Variants in MCM5 observed in about 807,000 individuals in gnomAD.
MCM5 encodes the protein DNA replication licensing factor MCM5.
MCM5 carries 46 observed loss-of-function variants against 79.9 expected under a neutral mutation model. The observed-to-expected ratio is 0.58, with a 90% confidence interval of 0.45 to 0.74. MCM5 has a LOEUF of 0.74. Ranked by LOEUF, MCM5 falls within the 30% of genes least tolerant of loss-of-function variation. The pLI, the probability that MCM5 is intolerant of heterozygous loss-of-function variation, is 0.00. For missense variants in MCM5, 883 were observed against 1,017.0 expected (o/e 0.87, Z 1.79); for synonymous variants, 404 against 390.5 (o/e 1.03, Z -0.41).
chr22:35,452,569 C>T, the MCM5 span, among the ~76,000 whole-genome samples: 10 of 152,148 alleles, frequency 6.6e-5, no homozygotes, highest in African/African-American at 2.2e-4. Context: ...CATGCGGAAA[C>T]GTCTGGCAGC....
At chr22:35,417,480 G>T (rs2145797498) in intron 12 of MCM5, among the ~76,000 whole-genome samples, 3 of 152,360 alleles carry the variant, frequency 2.0e-5, no homozygotes, top group East Asian at 3.9e-4. Context: ...CCAAGTCGGG[G>T]TGGACAAGCT....
rs1601764855 is a variant in MCM5 at position 35,423,559 on chromosome 22, G to C, written c.2103+218G>C. ...GGGGGTATTTTTTCTGTCCCACGAA[G>C]GGGAGGGGAGAGCAGAGGTGGTTGG... On this transcript the variant is annotated intron_variant, in intron 16 of 16. Coordinates refer to ENST00000216122, the MANE Select transcript of MCM5 (RefSeq NM_006739.4). 1.7e-5 allele frequency: 7 copies of C among 419,704 alleles called. No individual in the cohort carries two copies. In the East Asian group the frequency reaches 2.8e-4, roughly 17 times the overall value. 26.0% of individuals were successfully genotyped at this position (419,704 alleles called of 1,614,324 possible).
In MCM5 at chr22:35,419,871, C is replaced by G; in HGVS notation, c.1704-13C>G. 1.2e-6 allele frequency: 2 copies of G among 1,604,216 alleles called. No homozygotes were observed. Among genetic ancestry groups the G allele is most frequent in the Non-Finnish European group, 1.7e-6 (2 of 1,174,264 alleles). ...TCCTGGCCTCACACCAGCCTCTCCC[C>G]ACTGTCCTGCAGGAAGTGTGGCCCC... On this transcript the variant is annotated splice_polypyrimidine_tract_variant and intron_variant, in intron 13 of 16. Coordinates refer to ENST00000216122, the MANE Select transcript of MCM5 (RefSeq NM_006739.4).
At chr22:35,424,014 A>G in intron 16 of MCM5, 140 bp from the exon 17 acceptor site, 2 of 598,288 alleles carry the variant, frequency 3.3e-6, no homozygotes, top group Non-Finnish European at 6.0e-6. Flanking sequence ...TGTCTGGTAC[A>G]CAGTGGGCAC....
chr22:35,421,595 T>C (rs1465078173), intron 15 of MCM5, 135 bp downstream of exon 15: 6 of 1,266,816 alleles, frequency 4.7e-6, no homozygotes, highest in Non-Finnish European at 6.8e-6. Context: ...TCTCTGAGTT[T>C]CTTTTTGCCA....
intron 14 of MCM5, among the ~76,000 whole-genome samples, chr22:35,420,980 T>C (rs1932677330): frequency 6.6e-6 from 1 of 151,848 alleles, no homozygotes; most frequent in Non-Finnish European, 1.5e-5. Context: ...AATAAAAAAT[T>C]AGCCAGGCAT....
At chr22:35,441,628 G>A in the MCM5 span, among the ~76,000 whole-genome samples, 1 of 152,114 alleles carries the variant, frequency 6.6e-6, no homozygotes, top group African/African-American at 2.4e-5. Flanking sequence ...GGGGGTATAT[G>A]GGCAGAGGTG....
chr22:35,453,576 CAG>C, the MCM5 span, among the ~76,000 whole-genome samples: 10 of 149,374 alleles, frequency 6.7e-5, no homozygotes, highest in Admixed American at 2.0e-4. Flanking sequence ...CAGAGTGAAT[CAG>C]AGAGACAGAC....
chr22:35,454,474 A>G, the MCM5 span, among the ~76,000 whole-genome samples: 2 of 128,124 alleles, frequency 1.6e-5, no homozygotes, highest in Non-Finnish European at 3.4e-5. Context: ...GATGGACAAG[A>G]CTGGACACCA....
intron 2 of MCM5, 98 bp downstream of exon 2, chr22:35,400,703 G>A (rs1189049927): frequency 3.8e-5 from 51 of 1,342,444 alleles, no homozygotes; most frequent in Non-Finnish European, 4.9e-5. Context: ...GCACAGATGG[G>A]CCCAGACGGG....
In MCM5 at chr22:35,412,663, T is replaced by C. The variant is rs1014411328; in HGVS notation, c.1073T>C (p.Phe358Ser). 9 of 1,507,614 alleles carry C rather than the reference T, an allele frequency of 6.0e-6. No individual in the cohort carries two copies. The Admixed American group carries it at 6.3e-5, about 11-fold the overall frequency. The allele number at this position is 1,507,614 out of a possible 1,614,324, so 93.4% of individuals were successfully genotyped here. A position where few individuals can be genotyped will look rare whatever the true frequency, so the allele number is the denominator to read the frequency against. ...AAGAAGGCCATTGCCTGCCTGCTCT[T>C]TGGGGGCTCCCGAAAGAGGTAGGGG... ...DMKKAIACLLFGGSRKRLPDG... is the reference protein window; with the variant it reads ...DMKKAIACLLSGGSRKRLPDG... The change falls in exon 8 of 17, where the codon TTT becomes TCT. Residue 358 changes from phenylalanine to serine, a missense_variant. This residue lies in a region of MCM5 where 455 missense variants were observed against 517.5 expected (regional missense o/e 0.88). Coordinates refer to ENST00000216122, the MANE Select transcript of MCM5 (RefSeq NM_006739.4).
chr22:35,413,754 C>A (rs1014199729), intron 8 of MCM5, 121 bp from the exon 9 acceptor site: 2 of 672,012 alleles, frequency 3.0e-6, no homozygotes, highest in Admixed American at 2.2e-5. Context: ...TACCTTCTTA[C>A]CAACTCTGAG....
intron 12 of MCM5, 108 bp from the exon 13 acceptor site, chr22:35,417,636 T>C (rs920880415): frequency 1.3e-6 from 1 of 772,838 alleles, no homozygotes; most frequent in Non-Finnish European, 2.3e-6. Flanking sequence ...CCTTTCCGGC[T>C]CCTTGATGCC....
chr22:35,423,024 G>C lies in MCM5; in HGVS notation c.1976-190G>C, dbSNP rs1042448502. 12 of 465,500 alleles carry C rather than the reference G, an allele frequency of 2.6e-5. No individual in the cohort carries two copies. The South Asian group carries it at 2.8e-4, about 11-fold the overall frequency. The allele number at this position is 465,500 out of a possible 1,614,324, so 28.8% of individuals were successfully genotyped here. On this transcript the variant is annotated intron_variant, in intron 15 of 16. Coordinates refer to ENST00000216122, the MANE Select transcript of MCM5 (RefSeq NM_006739.4). ...CCTCTGTGACTTTGTGCTTGGCCTG[G>C]AGTGTCCCCACATGTGCCATATCCT...
At chr22:35,451,596 A>G in the MCM5 span, among the ~76,000 whole-genome samples, 2 of 152,120 alleles carry the variant, frequency 1.3e-5, no homozygotes, top group Admixed American at 1.3e-4. Flanking sequence ...TTGTGCCCTC[A>G]TTTATCTCTG....
At chr22:35,410,540 T>A in intron 6 of MCM5, 2 of 569,312 alleles carry the variant, frequency 3.5e-6, no homozygotes, top group Non-Finnish European at 6.5e-6. Flanking sequence ...AACACCATCC[T>A]CCAAGCAGCT....
chr22:35,432,230 C>G, the MCM5 span, among the ~76,000 whole-genome samples: 1 of 152,150 alleles, frequency 6.6e-6, no homozygotes, highest in East Asian at 1.9e-4. Flanking sequence ...GAGAAAGATC[C>G]AGAAAGAACG....
At chr22:35,449,446 C>G in the MCM5 span, among the ~76,000 whole-genome samples, 1 of 152,298 alleles carries the variant, frequency 6.6e-6, no homozygotes, top group South Asian at 2.1e-4. Flanking sequence ...CTTCTCTGCC[C>G]CAGCCATGGC....
Position 35,407,485 on chromosome 22 carries a change from T to C in MCM5, c.596+760T>C, listed in dbSNP as rs568749124. Reference sequence around the variant, plus strand: ...TCCTGCACAGCCCACCACGATCTGCTCCTGGCTTCCCCAGGCCTCGCTGCC... The same window carrying C: ...TCCTGCACAGCCCACCACGATCTGCCCCTGGCTTCCCCAGGCCTCGCTGCC... On this transcript the variant is annotated intron_variant, in intron 5 of 16. Transcript: ENST00000216122. Among the ~76,000 whole-genome samples, 137 of 151,506 alleles carry C rather than the reference T, an allele frequency of 9.0e-4. 5 individuals are homozygous for C. The South Asian group carries it at 0.028, about 31-fold the overall frequency.
Sources: allele counts gnomAD v4.1 joint callset (sites outside exome capture counted in the v4.1 genomes callset), GRCh38; gene constraint gnomAD v4.1.1; regional missense constraint gnomAD v4.1.1; transcripts MANE v1.5; gene names NCBI Gene and HGNC (gene_info 2026-07-23, HGNC 2026-07-21).